The following CAMK1D variants were observed in gnomAD, a reference collection of about 807,000 sequenced individuals.
The protein encoded by CAMK1D is calcium/calmodulin-dependent protein kinase type 1D.
CAMK1D carries 9 observed loss-of-function variants against 47.7 expected under a neutral mutation model. The ratio of observed to expected loss-of-function variants is 0.19; its 90% CI spans 0.11 to 0.33. The LOEUF (loss-of-function observed/expected upper bound fraction) is 0.33, where lower values mean the gene tolerates loss of function less well. Ranked by LOEUF, CAMK1D falls within the 10% of genes least tolerant of loss-of-function variation. CAMK1D has a pLI of 1.00. For missense variants in CAMK1D, 291 were observed against 488.7 expected (o/e 0.60, Z 3.81); for synonymous variants, 184 against 184.9 (o/e 0.99, Z 0.04).
intron 1 of CAMK1D, among the ~76,000 whole-genome samples, chr10:12,506,772 C>T (rs1319281237): frequency 2.0e-5 from 3 of 152,308 alleles, no homozygotes; most frequent in Non-Finnish European, 2.9e-5. Context: ...CCCGCCTCAG[C>T]CTCCCAAAGT....
chr10:12,827,462 T>TC (rs1833277663), intron 10 of CAMK1D, among the ~76,000 whole-genome samples: 1 of 12,122 alleles, frequency 8.2e-5, no homozygotes, highest in African/African-American at 1.9e-4. Context: ...TTTTCTTTCT[T>TC]TGTCTGTCTG....
chr10:12,719,397 G>A lies in CAMK1D; in HGVS notation c.300-41551G>A, dbSNP rs558958923. Among the ~76,000 whole-genome samples the A allele has an allele frequency of 2.0e-5, 3 of 149,786 alleles. No individual in the cohort carries two copies. In the East Asian group the frequency reaches 5.9e-4, roughly 29 times the overall value. On this transcript the variant is annotated intron_variant, in intron 3 of 10. Coordinates refer to ENST00000619168, the MANE Select transcript of CAMK1D (RefSeq NM_153498.4). ...CACTCCAGCCTGGGCAACAGAGTGA[G>A]ACTGTGCCTCAGGAAAAAAAAAAAG...
chr10:12,606,226 G>T (rs1269356805), intron 2 of CAMK1D, among the ~76,000 whole-genome samples: 2 of 152,126 alleles, frequency 1.3e-5, no homozygotes, highest in Non-Finnish European at 2.9e-5. Flanking sequence ...CTCTGAATCG[G>T]GCATCACTTT....
intron 2 of CAMK1D, among the ~76,000 whole-genome samples, chr10:12,564,274 A>G (rs937447555): frequency 6.6e-6 from 1 of 152,112 alleles, no homozygotes; most frequent in Non-Finnish European, 1.5e-5. Context: ...ATGGACTAAG[A>G]TGGCAGATAT....
At chr10:12,564,055 A>G (rs908960598) in intron 2 of CAMK1D, among the ~76,000 whole-genome samples, 70 of 151,120 alleles carry the variant, frequency 4.6e-4, no homozygotes, top group Non-Finnish European at 9.4e-4. Flanking sequence ...AATGATTTGA[A>G]GAGCAGTCTG....
chr10:12,397,870 A>G (rs1839019280), intron 1 of CAMK1D, among the ~76,000 whole-genome samples: 1 of 152,202 alleles, frequency 6.6e-6, no homozygotes, highest in Admixed American at 6.5e-5. Context: ...CTTCTCTTGA[A>G]AAATGTAAAG....
intron 3 of CAMK1D, among the ~76,000 whole-genome samples, chr10:12,746,579 G>C (rs1168746350): frequency 6.6e-6 from 1 of 152,130 alleles, no homozygotes; most frequent in African/African-American, 2.4e-5. Flanking sequence ...TCTCTTTCTT[G>C]CTTCCCTGAC....
At chr10:12,619,577 C>T (rs1838927310) in intron 2 of CAMK1D, among the ~76,000 whole-genome samples, 1 of 152,062 alleles carries the variant, frequency 6.6e-6, no homozygotes, top group South Asian at 2.1e-4. Context: ...TGTATGCTAC[C>T]ATCCCCTACT....
chr10:12,668,779 T>C (rs954522031), intron 3 of CAMK1D, among the ~76,000 whole-genome samples: 1 of 152,072 alleles, frequency 6.6e-6, no homozygotes, highest in Non-Finnish European at 1.5e-5. Flanking sequence ...CAAATATGGG[T>C]TGACATAAAA....
chr10:12,470,755 G>A (rs1234532104), intron 1 of CAMK1D, among the ~76,000 whole-genome samples: 1 of 152,092 alleles, frequency 6.6e-6, no homozygotes, highest in Non-Finnish European at 1.5e-5. Context: ...GGCCTCAAGG[G>A]ATACACCCAC....
chr10:12,393,245 A>G (rs2131895324), intron 1 of CAMK1D, among the ~76,000 whole-genome samples: 1 of 152,124 alleles, frequency 6.6e-6, no homozygotes, highest in South Asian at 2.1e-4. Context: ...GTTAGTCAGG[A>G]TGGTCTCGAT....
chr10:12,452,671 C>T (rs978212421), intron 1 of CAMK1D, among the ~76,000 whole-genome samples: 9 of 151,826 alleles, frequency 5.9e-5, no homozygotes, highest in Admixed American at 3.9e-4. Flanking sequence ...CTGCAACCTC[C>T]GCCTCCTGGG....
chr10:12,763,321 A>G (rs1836591278), intron 4 of CAMK1D, among the ~76,000 whole-genome samples: 1 of 152,220 alleles, frequency 6.6e-6, no homozygotes, highest in Non-Finnish European at 1.5e-5. Context: ...TAGAGAGAGG[A>G]TGATCGTGTT....
intron 6 of CAMK1D, among the ~76,000 whole-genome samples, chr10:12,801,354 T>TATCTATCTATCTATCTATCTTATCTATC (rs57429397): frequency 1.5e-5 from 1 of 66,488 alleles, no homozygotes; most frequent in African/African-American, 5.7e-5. Flanking sequence ...TCTATCTATC[T>TATCTATCTATCTATCTATCTTATCTATC]TATCTATCTA....
intron 10 of CAMK1D, among the ~76,000 whole-genome samples, chr10:12,826,949 C>T (rs1363050600): frequency 6.6e-6 from 1 of 152,230 alleles, no homozygotes; most frequent in Non-Finnish European, 1.5e-5. Flanking sequence ...TCCCTGGGGG[C>T]CTGCACCAAC....
chr10:12,696,044 CTCCAGCCTGGG>C (rs1337930260), intron 3 of CAMK1D, among the ~76,000 whole-genome samples: 2 of 152,150 alleles, frequency 1.3e-5, no homozygotes, highest in Admixed American at 6.5e-5. Flanking sequence ...CGCCATTGCA[CTCCAGCCTGGG>C]TCCAGCCTGG....
intron 6 of CAMK1D, among the ~76,000 whole-genome samples, chr10:12,794,364 A>G (rs1240365968): frequency 6.6e-6 from 1 of 152,160 alleles, no homozygotes; most frequent in African/African-American, 2.4e-5. Context: ...GGTGAGATCA[A>G]TAATTTGGTT....
chr10:12,536,928 G>A (rs1835991232), intron 1 of CAMK1D, among the ~76,000 whole-genome samples: 2 of 151,900 alleles, frequency 1.3e-5, no homozygotes, highest in Admixed American at 1.3e-4. Flanking sequence ...TTTACATATG[G>A]GATATTTACA....
chr10:12,543,155 C>G (rs1026975755), intron 1 of CAMK1D, among the ~76,000 whole-genome samples: 17 of 152,190 alleles, frequency 1.1e-4, no homozygotes, highest in African/African-American at 3.6e-4. Context: ...TCAAGTGATT[C>G]TCCTGTCTCA....
Sources: allele counts gnomAD v4.1 joint callset (sites outside exome capture counted in the v4.1 genomes callset), GRCh38; gene constraint gnomAD v4.1.1; transcripts MANE v1.5; gene names NCBI Gene and HGNC (gene_info 2026-07-23, HGNC 2026-07-21).